AFG1L: variants seen among roughly 807,000 people sequenced by gnomAD.
The protein encoded by AFG1L is AFG1-like ATPase.
AFG1L carries 53 observed loss-of-function variants against 62.2 expected under a neutral mutation model. The observed-to-expected ratio is 0.85, with a 90% CI of 0.68 to 1.07. The LOEUF (loss-of-function observed/expected upper bound fraction) is 1.07, where lower values mean the gene tolerates loss of function less well. Among genes scored for constraint, AFG1L ranks in the 50% least tolerant of loss-of-function variants. AFG1L has a pLI of 0.00. For synonymous variants in AFG1L, 228 were observed against 210.3 expected, an observed-to-expected ratio of 1.08 and a Z score of -0.73; for missense variants, 555 against 590.5, an observed-to-expected ratio of 0.94 and a Z score of 0.62.
intron 6 of AFG1L, 95 bp from the exon 7 acceptor site, chr6:108,401,901 T>C (rs1160050035): frequency 1.0e-5 from 6 of 593,254 alleles, no homozygotes; most frequent in Non-Finnish European, 3.0e-6. Context: ...TATCTTTTTT[T>C]TTAATCAGTA....
At chr6:108,446,085 CACACACACACACACACA>C (rs1582599618) in intron 7 of AFG1L, among the ~76,000 whole-genome samples, 8 of 149,870 alleles carry the variant, frequency 5.3e-5, no homozygotes, top group South Asian at 2.1e-4. Context: ...CACACACACA[CACACACACACACACACA>C]CCCCTACATA....
chr6:108,379,909 G>C (rs1327255738), intron 6 of AFG1L, among the ~76,000 whole-genome samples: 1 of 152,008 alleles, frequency 6.6e-6, no homozygotes, highest in Non-Finnish European at 1.5e-5. Context: ...TTGTGAGGCA[G>C]AGAGGGCCTC....
At chr6:108,481,810 G>A (rs899608315) in intron 10 of AFG1L, among the ~76,000 whole-genome samples, 2 of 152,114 alleles carry the variant, frequency 1.3e-5, no homozygotes, top group African/African-American at 4.8e-5. Context: ...GTTGCAAGCT[G>A]AACTAGCCAC....
chr6:108,375,146 A>G (rs1780190279), intron 6 of AFG1L, among the ~76,000 whole-genome samples: 1 of 152,186 alleles, frequency 6.6e-6, no homozygotes, highest in South Asian at 2.1e-4. Flanking sequence ...ATTGGTGTAT[A>G]GAAATGCTAC....
At chr6:108,364,065 A>G (rs1779653771) in intron 5 of AFG1L, among the ~76,000 whole-genome samples, 1 of 151,796 alleles carries the variant, frequency 6.6e-6, no homozygotes, top group East Asian at 1.9e-4. Context: ...AAATGTCTCC[A>G]CTCTCTGTAT....
At chr6:108,444,165 G>T (rs900231416) in intron 7 of AFG1L, among the ~76,000 whole-genome samples, 1 of 151,966 alleles carries the variant, frequency 6.6e-6, no homozygotes, top group Non-Finnish European at 1.5e-5. Context: ...CAATACAACA[G>T]TATTGCAATA....
intron 6 of AFG1L, among the ~76,000 whole-genome samples, chr6:108,398,502 G>A (rs544644039): frequency 1.1e-4 from 17 of 152,288 alleles, no homozygotes; most frequent in African/African-American, 4.1e-4. Flanking sequence ...GTCTGTGCTT[G>A]TGAAGTATGA....
chr6:108,417,266 GC>G (rs1770346054), intron 7 of AFG1L, among the ~76,000 whole-genome samples: 2 of 136,296 alleles, frequency 1.5e-5, no homozygotes, highest in Non-Finnish European at 1.6e-5. Context: ...ACACAGACAC[GC>G]ACACACACAC....
intron 10 of AFG1L, among the ~76,000 whole-genome samples, chr6:108,487,863 G>A (rs573748727): frequency 1.3e-5 from 2 of 152,266 alleles, no homozygotes; most frequent in Non-Finnish European, 2.9e-5. Flanking sequence ...AACAGATCTC[G>A]GACAGATTCT....
intron 1 of AFG1L, among the ~76,000 whole-genome samples, chr6:108,296,218 A>G (rs1481428524): frequency 2.0e-5 from 3 of 152,362 alleles, no homozygotes; most frequent in Admixed American, 6.5e-5. Flanking sequence ...TGCATTTAGT[A>G]TAATGGAATA....
At chr6:108,329,218 G>A (rs1295093861) in intron 2 of AFG1L, among the ~76,000 whole-genome samples, 1 of 149,192 alleles carries the variant, frequency 6.7e-6, no homozygotes, top group East Asian at 2.0e-4. Context: ...GGGATTACAG[G>A]CATGAGCCAC....
rs114438995 is a variant in AFG1L at position 108,381,060 on chromosome 6, G to A, written c.748+14728G>A. ...ATCTTGCTATTTCCAAGTGTCTGAGGCAGGCTGAAAGCCGCTAATCCACCA... is the reference window on the plus strand; with the variant it reads ...ATCTTGCTATTTCCAAGTGTCTGAGACAGGCTGAAAGCCGCTAATCCACCA... On this transcript the variant is annotated intron_variant, in intron 6 of 12. Transcript: ENST00000368977. Among the ~76,000 whole-genome samples, 402 of 152,294 alleles carry A rather than the reference G, an allele frequency of 2.6e-3. 2 individuals are homozygous for A. The highest frequency in any genetic ancestry group is 9.3e-3 in the African/African-American group (388 of 41,568).
rs1464826524 is a variant in AFG1L at position 108,442,860 on chromosome 6, G to A, written c.808-4354G>A. Among the ~76,000 whole-genome samples, 4 of 152,062 alleles carry A rather than the reference G, an allele frequency of 2.6e-5. No individual in the cohort carries two copies. The East Asian group carries it at 7.7e-4, about 29-fold the overall frequency. ...GGAAACCCCTCATTTCCAGGGGATT[G>A]TTGGTCACCTATTTTACTCTCCTGA... On this transcript the variant is annotated intron_variant, in intron 7 of 12. Coordinates refer to ENST00000368977, the MANE Select transcript of AFG1L (RefSeq NM_145315.5).
chr6:108,358,195 A>G (rs577019162), intron 5 of AFG1L, among the ~76,000 whole-genome samples: 42 of 152,344 alleles, frequency 2.8e-4, no homozygotes, highest in South Asian at 2.3e-3. Flanking sequence ...TCAGTGGTGA[A>G]TCAATAGAGG....
intron 8 of AFG1L, among the ~76,000 whole-genome samples, chr6:108,464,788 C>CA (rs71015548): frequency 0.36 from 54,743 of 151,412 alleles, 10,522 homozygotes; most frequent in Non-Finnish European, 0.44. Flanking sequence ...AAAAAACAAA[C>CA]AAAAAAAACA....
At chr6:108,461,387 T>C (rs1369312407) in intron 8 of AFG1L, among the ~76,000 whole-genome samples, 1 of 152,228 alleles carries the variant, frequency 6.6e-6, no homozygotes, top group African/African-American at 2.4e-5. Context: ...AACTGTATAT[T>C]ATAAACAACT....
chr6:108,512,278 G>A (rs1774684093), intron 11 of AFG1L, among the ~76,000 whole-genome samples: 2 of 152,232 alleles, frequency 1.3e-5, no homozygotes, highest in Admixed American at 6.5e-5. Flanking sequence ...TGGGCCGAAT[G>A]TGAAAGGCAG....
chr6:108,299,722 GC>G (rs1188624990), intron 1 of AFG1L, among the ~76,000 whole-genome samples: 4 of 152,286 alleles, frequency 2.6e-5, no homozygotes, highest in Admixed American at 6.5e-5. Flanking sequence ...AGGATTGCTT[GC>G]GGCCAGGAGT....
intron 8 of AFG1L, among the ~76,000 whole-genome samples, chr6:108,453,305 TG>T (rs11354432): frequency 0.36 from 55,081 of 151,832 alleles, 10,466 homozygotes; most frequent in Non-Finnish European, 0.44. Flanking sequence ...GCTAATATAA[TG>T]TATTTACCCA....
Sources: allele counts gnomAD v4.1 joint callset (sites outside exome capture counted in the v4.1 genomes callset), GRCh38; gene constraint gnomAD v4.1.1; transcripts MANE v1.5; gene names NCBI Gene and HGNC (gene_info 2026-07-23, HGNC 2026-07-21).